The following GRIN2B variants were observed in gnomAD, a reference collection of about 807,000 sequenced individuals.
The protein encoded by GRIN2B is glutamate receptor ionotropic, NMDA 2B.
In GRIN2B, 5 loss-of-function variants were observed where a neutral mutation model predicts 114.5. That is an observed-to-expected ratio of 0.04 (90% CI 0.02 to 0.09). The LOEUF is 0.09. Ranked by LOEUF, GRIN2B falls within the 10% of genes least tolerant of loss-of-function variation. The probability of loss-of-function intolerance (pLI) is 1.00; values close to 1 mark genes in which losing one functional copy is unlikely to be tolerated. For missense variants in GRIN2B, 1,108 were observed against 1,943.5 expected (o/e 0.57, Z 8.08); for synonymous variants, 787 against 745.1 (o/e 1.06, Z -0.92).
intron 5 of GRIN2B, among the ~76,000 whole-genome samples, chr12:13,621,087 A>G (rs972800599): frequency 6.6e-6 from 1 of 152,228 alleles, no homozygotes; most frequent in Non-Finnish European, 1.5e-5. Flanking sequence ...TAAAATTAAC[A>G]AAAAAGGAAA....
At chr12:13,642,647 AT>A (rs1949730215) in intron 5 of GRIN2B, among the ~76,000 whole-genome samples, 1 of 152,160 alleles carries the variant, frequency 6.6e-6, no homozygotes, top group Non-Finnish European at 1.5e-5. Flanking sequence ...CCTAGAATTC[AT>A]TTGCCAAAAA....
chr12:13,838,666 T>C (rs1865324235), intron 3 of GRIN2B, among the ~76,000 whole-genome samples: 1 of 152,144 alleles, frequency 6.6e-6, no homozygotes, highest in Admixed American at 6.6e-5. Context: ...AAACACTCAT[T>C]CCATCAGCAG....
chr12:13,644,090 G>T (rs774098321), intron 5 of GRIN2B, among the ~76,000 whole-genome samples: 11 of 152,110 alleles, frequency 7.2e-5, no homozygotes, highest in Non-Finnish European at 1.5e-4. Flanking sequence ...CTTTCCAGAA[G>T]GTTTCAATTT....
At position 13,553,475 on chromosome 12, in the gene GRIN2B, G is replaced by C. The variant is rs1948441922; in HGVS notation, c.*9308C>G. On this transcript the variant is annotated 3_prime_UTR_variant, in exon 14 of 14. Transcript: ENST00000609686. ...GATCCTGTAGACAAAGCCTCAGAAA[G>C]GGTGAGAAGCCAAAGAACTCAGGAA... 1 of 152,224 alleles carries C rather than the reference G, an allele frequency of 6.6e-6. No individual in the cohort carries two copies. Among genetic ancestry groups the C allele is most frequent in the African/African-American group, 2.4e-5 (1 of 41,452 alleles). 9.4% of individuals were successfully genotyped at this position (152,224 alleles called of 1,614,324 possible).
chr12:13,872,542 C>G (rs1291448302), intron 2 of GRIN2B, among the ~76,000 whole-genome samples: 2 of 151,840 alleles, frequency 1.3e-5, no homozygotes, highest in African/African-American at 2.4e-5. Flanking sequence ...CGGTTTATAT[C>G]TGAAATGCAA....
rs10845839 is a variant in GRIN2B, at chr12:13,751,873, T to A, written c.1010+1444A>T. Among the ~76,000 whole-genome samples the A allele has an allele frequency of 5.3e-5, 8 of 152,142 alleles. No homozygotes were observed. The East Asian group carries it at 1.5e-3, about 29-fold the overall frequency. On this transcript the variant is annotated intron_variant, in intron 4 of 13. Transcript: ENST00000609686. Reference sequence around the variant, plus strand: ...CCAAGAAGTGCCCATATTTAAGGGATGCATAAAACAGGAGTGTGCTAAGGA... The same window carrying A: ...CCAAGAAGTGCCCATATTTAAGGGAAGCATAAAACAGGAGTGTGCTAAGGA...
At chr12:13,597,483 C>T (rs1464824767) in intron 10 of GRIN2B, among the ~76,000 whole-genome samples, 1 of 152,210 alleles carries the variant, frequency 6.6e-6, no homozygotes, top group Admixed American at 6.5e-5. Flanking sequence ...CTTGGATTGG[C>T]CCTGGGCCAA....
At chr12:13,772,693 G>A (rs762910603) in intron 3 of GRIN2B, among the ~76,000 whole-genome samples, 3 of 152,136 alleles carry the variant, frequency 2.0e-5, no homozygotes, top group East Asian at 3.8e-4. Flanking sequence ...GAGGTAAGGC[G>A]GAAGTAAAAC....
In GRIN2B at chr12:13,740,332, C is replaced by T. The variant is rs570629210; in HGVS notation, c.1010+12985G>A. On this transcript the variant is annotated intron_variant, in intron 4 of 13. Transcript: ENST00000609686. ...AATCAGATGAATGCTATGTATTGTC[C>T]GTATTCCCGGCATCCGGCACAGGGT... Among the ~76,000 whole-genome samples the T allele has an allele frequency of 5.9e-5, 9 of 152,214 alleles. No individual in the cohort carries two copies. The South Asian group carries it at 1.2e-3, about 21-fold the overall frequency.
intron 3 of GRIN2B, among the ~76,000 whole-genome samples, chr12:13,762,254 C>T (rs1324470804): frequency 2.6e-5 from 4 of 152,172 alleles, no homozygotes; most frequent in African/African-American, 7.2e-5. Context: ...CCTCCCACCT[C>T]GGCCTCCCAA....
At chr12:13,783,615 G>A (rs1044280728) in intron 3 of GRIN2B, among the ~76,000 whole-genome samples, 1 of 152,164 alleles carries the variant, frequency 6.6e-6, no homozygotes, top group Admixed American at 6.5e-5. Flanking sequence ...CATGGACAAA[G>A]AGAGCTGACT....
intron 1 of GRIN2B, among the ~76,000 whole-genome samples, chr12:13,980,659 G>T (rs1004794828): frequency 2.6e-5 from 4 of 151,982 alleles, no homozygotes; most frequent in African/African-American, 9.7e-5. Flanking sequence ...AGGAGGAAGG[G>T]GGGGAGAAGC....
chr12:13,954,930 T>A lies in GRIN2B; in HGVS notation c.-19+24998A>T, dbSNP rs373880982. Among the ~76,000 whole-genome samples, 73 of 151,562 alleles carry A rather than the reference T, an allele frequency of 4.8e-4. 2 individuals are homozygous for A. In the South Asian group the frequency reaches 0.014, roughly 29 times the overall value. On this transcript the variant is annotated intron_variant, in intron 2 of 13. Transcript: ENST00000609686. ...ATTGTGCAACTGAGACCTCCAATTA[T>A]ACCATCACAAGGAATAGCTTTAGAG...
intron 2 of GRIN2B, among the ~76,000 whole-genome samples, chr12:13,902,206 T>G (rs1433469818): frequency 6.6e-6 from 1 of 152,196 alleles, no homozygotes; most frequent in Non-Finnish European, 1.5e-5. Context: ...GTATTCTTTC[T>G]CTTTAAGTGT....
chr12:13,949,560 A>G (rs1216106260), intron 2 of GRIN2B, among the ~76,000 whole-genome samples: 1 of 152,156 alleles, frequency 6.6e-6, no homozygotes, highest in Non-Finnish European at 1.5e-5. Flanking sequence ...TTCAACTGTG[A>G]GGGACTCTAT....
At chr12:13,645,660 C>T (rs1001695674) in intron 5 of GRIN2B, among the ~76,000 whole-genome samples, 1 of 151,540 alleles carries the variant, frequency 6.6e-6, no homozygotes, top group South Asian at 2.1e-4. Context: ...ATTTCTTTCT[C>T]CTCCTCCTCT....
At position 13,966,297 on chromosome 12, in the gene GRIN2B, A is replaced by G. The variant is rs138208865; in HGVS notation, c.-19+13631T>C. 4.7e-4 allele frequency among the ~76,000 whole-genome samples: 72 copies of G among 152,332 alleles called. No individual in the cohort carries two copies. The East Asian group carries it at 0.013, about 28-fold the overall frequency. ...AGCTTTAGAAATGTAAGTGATCAAT[A>G]TTATTACATCCAATTTGGTTTGTCT... On this transcript the variant is annotated intron_variant, in intron 2 of 13. Coordinates refer to ENST00000609686, the MANE Select transcript of GRIN2B (RefSeq NM_000834.5).
intron 2 of GRIN2B, among the ~76,000 whole-genome samples, chr12:13,965,089 C>T (rs1867766178): frequency 6.6e-6 from 1 of 152,194 alleles, no homozygotes; most frequent in East Asian, 1.9e-4. Context: ...AAAGTAGAAT[C>T]TCAGGATAAG....
rs1863512613 is a variant in GRIN2B, at chr12:13,753,085, A to C, written c.1010+232T>G. Among the ~76,000 whole-genome samples, 1 of 152,242 alleles carries C rather than the reference A, an allele frequency of 6.6e-6. No individual in the cohort carries two copies. Among genetic ancestry groups the C allele is most frequent in the Non-Finnish European group, 1.5e-5 (1 of 68,046 alleles). ...AGGATCAAATGAAACCAAACATGCA[A>C]AACCCTTAGAGTAACATCTAACACA... On this transcript the variant is annotated intron_variant, in intron 4 of 13. Transcript: ENST00000609686. This position sits in a 1 kb window ranked among gnomAD's most constrained non-coding sequence, Gnocchi z 6.2.
Sources: allele counts gnomAD v4.1 joint callset (sites outside exome capture counted in the v4.1 genomes callset), GRCh38; gene constraint gnomAD v4.1.1; non-coding constraint Gnocchi (gnomAD v3.1); transcripts MANE v1.5; gene names NCBI Gene and HGNC (gene_info 2026-07-23, HGNC 2026-07-21).